The following CDCA2 variants were observed in gnomAD, a reference collection of about 807,000 sequenced individuals.
CDCA2 encodes the protein cell division cycle-associated protein 2.
CDCA2 carries 44 observed loss-of-function variants against 67.0 expected under a neutral mutation model. That is an observed-to-expected ratio of 0.66 (90% CI 0.52 to 0.84). CDCA2 has a LOEUF of 0.84. Among genes scored for constraint, CDCA2 ranks in the 40% least tolerant of loss-of-function variants. The pLI is 0.00. For missense variants in CDCA2, 1,253 were observed against 1,203.2 expected, an observed-to-expected ratio of 1.04 and a Z score of -0.61; for synonymous variants, 447 against 418.7, an observed-to-expected ratio of 1.07 and a Z score of -0.82.
intron 13 of CDCA2, among the ~76,000 whole-genome samples, chr8:25,496,178 GAC>G (rs1480461201): frequency 6.6e-6 from 1 of 152,172 alleles, no homozygotes; most frequent in African/African-American, 2.4e-5. Context: ...CATGTTAACA[GAC>G]ACAAATCCAT....
At chr8:25,466,546 C>T (rs10091652) in intron 5 of CDCA2, among the ~76,000 whole-genome samples, 84,656 of 152,052 alleles carry the variant, frequency 0.56, 24,848 homozygotes, top group Middle Eastern at 0.66. Flanking sequence ...CCTACATTTC[C>T]GCATGGTTGC....
intron 1 of CDCA2, among the ~76,000 whole-genome samples, chr8:25,460,036 G>C (rs921937022): frequency 6.6e-6 from 1 of 152,100 alleles, no homozygotes; most frequent in African/African-American, 2.4e-5. Context: ...CGAATTGCAT[G>C]CCTGTATCAA....
chr8:25,473,198 G>C (rs771242806), intron 7 of CDCA2, among the ~76,000 whole-genome samples: 1 of 152,094 alleles, frequency 6.6e-6, no homozygotes, highest in Non-Finnish European at 1.5e-5. Context: ...TCGCTTTTAG[G>C]GTTAAATAGT....
chr8:25,470,943 G>A (rs995112395), intron 7 of CDCA2, among the ~76,000 whole-genome samples: 6 of 151,914 alleles, frequency 3.9e-5, no homozygotes, highest in African/African-American at 1.2e-4. Context: ...TATGTTTTTA[G>A]TAGAGATGGG....
intron 13 of CDCA2, among the ~76,000 whole-genome samples, chr8:25,491,737 C>T (rs539597169): frequency 1.3e-5 from 2 of 152,204 alleles, no homozygotes; most frequent in Admixed American, 1.3e-4. Flanking sequence ...CCACCTCAGC[C>T]TCTTGAGTAG....
At chr8:25,493,439 C>G (rs1804089241) in intron 13 of CDCA2, among the ~76,000 whole-genome samples, 1 of 152,004 alleles carries the variant, frequency 6.6e-6, no homozygotes, top group East Asian at 1.9e-4. Context: ...ATCTTTTGAA[C>G]CATACAGCAT....
rs1802705874 is a variant in CDCA2, at chr8:25,461,931, C to T, written c.233-123C>T. 3.7e-5 allele frequency: 34 copies of T among 907,930 alleles called. 1 individual carries two copies. In the South Asian group the frequency reaches 5.6e-4, roughly 15 times the overall value. 56.2% of individuals were successfully genotyped at this position (907,930 alleles called of 1,614,324 possible). A position where few individuals can be genotyped will look rare whatever the true frequency, so the allele number is the denominator to read the frequency against. On this transcript the variant is annotated intron_variant, in intron 3 of 14. Transcript: ENST00000330560. ...GAATGACTGTGCCAGTAACTCTCCA[C>T]TGAGTTTTTTGTAGCACATGTTTAT...
In CDCA2 at chr8:25,466,249, C is replaced by T. The variant is rs1242700947; in HGVS notation, c.462C>T (p.Ser154=). 3 of 1,610,422 alleles carry T rather than the reference C, an allele frequency of 1.9e-6. No individual in the cohort carries two copies. Among genetic ancestry groups the T allele is most frequent in the Admixed American group, 1.7e-5 (1 of 58,816 alleles). ...RISAFQSAFH[S]IKENEKMTGC... is the part of the protein sequence containing the mutation. ...CAGCCTTCCAGTCAGCTTTTCACTC[C>T]ATAAAGGAAAACGAGAAAATGACCG... Residue 154 remains serine, a synonymous_variant, in exon 5 of 15, where the codon TCC becomes TCT. Coordinates refer to ENST00000330560, the MANE Select transcript of CDCA2 (RefSeq NM_152562.4).
intron 4 of CDCA2, 21 bp from the exon 5 acceptor site, chr8:25,466,154 G>T: frequency 6.9e-6 from 11 of 1,583,366 alleles, no homozygotes; most frequent in Non-Finnish European, 7.7e-6. Flanking sequence ...AATACTCCTT[G>T]TATATTTTGC....
At position 25,506,653 on chromosome 8, in the gene CDCA2, A is replaced by G. The variant is rs144980249; in HGVS notation, c.1987A>G (p.Ile663Val). ...KYDVSEFCSY[I>V]KSSSSLGNAT... ...TGATGTCTCTGAATTCTGCTCTTATATAAAAAGTTCCTCATCGCTTGGCAA... is the reference window on the plus strand; with the variant it reads ...TGATGTCTCTGAATTCTGCTCTTATGTAAAAAGTTCCTCATCGCTTGGCAA... Residue 663 changes from isoleucine (I) to valine (V), a missense_variant, in exon 15 of 15, where the codon ATA becomes GTA. Physicochemically the swap from Ile to Val is conservative, Grantham distance 29. Transcript: ENST00000330560. 8 of 1,613,512 alleles carry G rather than the reference A, an allele frequency of 5.0e-6. No homozygotes were observed. The African/African-American group carries it at 9.3e-5, about 19-fold the overall frequency.
chr8:25,499,734 C>G (rs1336858000), intron 13 of CDCA2, among the ~76,000 whole-genome samples: 3 of 152,182 alleles, frequency 2.0e-5, no homozygotes, highest in African/African-American at 7.2e-5. Flanking sequence ...GAAGAGGAAT[C>G]AGTGATTTTG....
chr8:25,474,921 TAG>T (rs1262192511), intron 7 of CDCA2, among the ~76,000 whole-genome samples: 2 of 152,134 alleles, frequency 1.3e-5, no homozygotes, highest in African/African-American at 2.4e-5. Flanking sequence ...TGAGATTTGG[TAG>T]AGTCACTTCT....
At chr8:25,469,871 A>G (rs1803080003) in intron 6 of CDCA2, 25 bp from the exon 7 acceptor site, 1 of 1,479,818 alleles carries the variant, frequency 6.8e-7, no homozygotes, top group East Asian at 2.3e-5. Context: ...AATAAAATGT[A>G]ATACTCTTTC....
chr8:25,466,431 T>C (rs1416979633), intron 5 of CDCA2, 106 bp downstream of exon 5: 2 of 1,049,160 alleles, frequency 1.9e-6, no homozygotes, highest in East Asian at 6.0e-5. Flanking sequence ...AACACAGGTA[T>C]ATTTATAAAG....
At chr8:25,488,478 A>G in intron 12 of CDCA2, 74 bp from the exon 13 acceptor site, 2 of 1,395,436 alleles carry the variant, frequency 1.4e-6, no homozygotes, top group Admixed American at 2.6e-5. Context: ...GGGAAGCACA[A>G]CAAGAGTGAG....
chr8:25,464,283 G>A (rs560050159), intron 4 of CDCA2, among the ~76,000 whole-genome samples: 5 of 152,298 alleles, frequency 3.3e-5, no homozygotes, highest in Middle Eastern at 3.4e-3. Context: ...GGGTGTGGTG[G>A]CACATGCCTG....
In CDCA2 at chr8:25,507,482, A is replaced by G. The variant is rs1804730436; in HGVS notation, c.2816A>G (p.Lys939Arg). The part of the protein sequence containing the change: ...SSGFESMSPI[K>R]ETVSSRQKPQ... ...GGATTTGAAAGTATGTCTCCCATAAAAGAAACTGTGTCCTCCAGACAAAAA... is the reference window on the plus strand; with the variant it reads ...GGATTTGAAAGTATGTCTCCCATAAGAGAAACTGTGTCCTCCAGACAAAAA... Residue 939 changes from lysine (K) to arginine (R), a missense_variant, in exon 15 of 15, where the codon AAA becomes AGA. Transcript: ENST00000330560. The G allele has an allele frequency of 6.2e-7, 1 of 1,613,864 alleles. No homozygotes were observed. Among genetic ancestry groups the G allele is most frequent in the African/African-American group, 1.3e-5 (1 of 74,996 alleles).
At chr8:25,503,657 TTAAAAAGCAA>T (rs2117555045) in intron 14 of CDCA2, 113 bp downstream of exon 14, 2 of 1,050,694 alleles carry the variant, frequency 1.9e-6, no homozygotes, top group East Asian at 4.9e-5. Context: ...TACGTAAATT[TTAAAAAGCAA>T]TGTTTCCTCA....
intron 13 of CDCA2, 58 bp downstream of exon 13, chr8:25,488,747 T>C: frequency 7.0e-7 from 1 of 1,423,128 alleles, no homozygotes; most frequent in Non-Finnish European, 9.2e-7. Flanking sequence ...CCTTATTGTA[T>C]AATTAGGAAA....
Sources: gnomAD v4.1 joint callset for allele counts (sites outside exome capture counted in the v4.1 genomes callset) on GRCh38, gnomAD v4.1.1 for gene constraint, MANE v1.5 for transcripts, NCBI Gene and HGNC (gene_info 2026-07-23, HGNC 2026-07-21) for gene names.